NEO1: variants seen among roughly 807,000 people sequenced by gnomAD.
The protein encoded by NEO1 is neogenin 1, also known as neogenin.
A neutral mutation model predicts 159.7 loss-of-function variants in NEO1; 63 were observed. The observed-to-expected ratio is 0.39, with a 90% CI of 0.32 to 0.49. The LOEUF (loss-of-function observed/expected upper bound fraction) is 0.49, where lower values mean the gene tolerates loss of function less well. Among genes scored for constraint, NEO1 ranks in the 20% least tolerant of loss-of-function variants. The pLI is 0.85. For missense variants in NEO1, 1,615 were observed against 1,831.0 expected (o/e 0.88, Z 2.15); for synonymous variants, 633 against 662.0 (o/e 0.96, Z 0.67).
At chr15:73,299,369 G>GAAAA (rs1446409403) in intron 27 of NEO1, among the ~76,000 whole-genome samples, 1 of 151,166 alleles carries the variant, frequency 6.6e-6, no homozygotes, top group Non-Finnish European at 1.5e-5. Flanking sequence ...ATATTTTTAT[G>GAAAA]AAAAACAACT....
At chr15:73,295,569 G>T (rs992404080) in intron 26 of NEO1, among the ~76,000 whole-genome samples, 1 of 151,862 alleles carries the variant, frequency 6.6e-6, no homozygotes, top group Non-Finnish European at 1.5e-5. Context: ...TGAAGAGAGG[G>T]GGAAAGAATA....
chr15:73,280,393 C>A (rs922759703), intron 22 of NEO1, among the ~76,000 whole-genome samples: 1 of 152,100 alleles, frequency 6.6e-6, no homozygotes, highest in Non-Finnish European at 1.5e-5. Context: ...CTTGCTGTAT[C>A]TTAGAAGAAA....
intron 5 of NEO1, among the ~76,000 whole-genome samples, chr15:73,149,250 G>A (rs2033174214): frequency 6.6e-6 from 1 of 151,912 alleles, no homozygotes; most frequent in Admixed American, 6.6e-5. Context: ...TGGAGGTGGA[G>A]GTTGCAGTGA....
chr15:73,178,015 G>A (rs771379304), intron 6 of NEO1, among the ~76,000 whole-genome samples: 3 of 152,120 alleles, frequency 2.0e-5, no homozygotes, highest in South Asian at 2.1e-4. Context: ...TTGGTATTGC[G>A]TGCCAGATCT....
intron 7 of NEO1, among the ~76,000 whole-genome samples, chr15:73,210,847 A>G (rs1465554445): frequency 2.6e-5 from 4 of 152,208 alleles, no homozygotes; most frequent in African/African-American, 9.6e-5. Flanking sequence ...AGGTTTATTT[A>G]CGCACTATAT....
intron 7 of NEO1, among the ~76,000 whole-genome samples, chr15:73,180,835 A>G (rs981591707): frequency 9.2e-5 from 14 of 152,186 alleles, no homozygotes; most frequent in African/African-American, 3.1e-4. Context: ...GATTATAAGA[A>G]GGAGAGTAAG....
intron 3 of NEO1, among the ~76,000 whole-genome samples, chr15:73,125,695 C>T (rs969922953): frequency 2.3e-4 from 35 of 152,254 alleles, no homozygotes; most frequent in African/African-American, 7.2e-4. Context: ...TTCATGTATT[C>T]ACAAGAGGAC....
chr15:73,120,893 A>AAT (rs2071607054), intron 2 of NEO1, among the ~76,000 whole-genome samples: 1 of 152,134 alleles, frequency 6.6e-6, no homozygotes, highest in African/African-American at 2.4e-5. Context: ...CAAGAATAGA[A>AAT]CCAAGAAATC....
chr15:73,208,525 A>G (rs548521216), intron 7 of NEO1, among the ~76,000 whole-genome samples: 93 of 152,234 alleles, frequency 6.1e-4, no homozygotes, highest in Non-Finnish European at 2.9e-4. Context: ...TGTTTTCTAA[A>G]GCTTCTTTTT....
At chr15:73,116,417 A>C (rs200130005) in intron 1 of NEO1, 123 bp from the exon 2 acceptor site, 1 of 359,284 alleles carries the variant, frequency 2.8e-6, no homozygotes, top group Non-Finnish European at 4.9e-6. Flanking sequence ...TGAGATGACT[A>C]TATTTATGTG....
intron 7 of NEO1, among the ~76,000 whole-genome samples, chr15:73,203,213 A>G (rs1213127626): frequency 6.6e-6 from 1 of 152,174 alleles, no homozygotes; most frequent in South Asian, 2.1e-4. Context: ...ACCATTTTAC[A>G]TGCCCACCAC....
At chr15:73,071,161 T>G (rs2068512525) in intron 1 of NEO1, among the ~76,000 whole-genome samples, 1 of 152,102 alleles carries the variant, frequency 6.6e-6, no homozygotes, top group Non-Finnish European at 1.5e-5. Context: ...TTGCCCAGGC[T>G]GGTCTGGAAC....
chr15:73,180,454 G>A (rs1055277744), intron 7 of NEO1, among the ~76,000 whole-genome samples: 2 of 152,132 alleles, frequency 1.3e-5, no homozygotes, highest in African/African-American at 4.8e-5. Context: ...AAATGCCTGA[G>A]TACAATTACT....
intron 1 of NEO1, among the ~76,000 whole-genome samples, chr15:73,070,435 G>T (rs535730488): frequency 5.9e-5 from 9 of 152,286 alleles, no homozygotes; most frequent in Admixed American, 5.9e-4. Flanking sequence ...TCATGTGAGT[G>T]TAACTCAACT....
chr15:73,150,646 TA>T (rs1258707034), intron 5 of NEO1, among the ~76,000 whole-genome samples: 1 of 152,194 alleles, frequency 6.6e-6, no homozygotes, highest in Non-Finnish European at 1.5e-5. Flanking sequence ...TCTTTCGAGG[TA>T]AAATTTATAT....
chr15:73,232,114 C>G (rs2150828905), intron 7 of NEO1, among the ~76,000 whole-genome samples: 2 of 152,226 alleles, frequency 1.3e-5, no homozygotes, highest in South Asian at 4.2e-4. Flanking sequence ...TTGCATGTCT[C>G]TTCACTTTTG....
rs1187709181 is a variant in NEO1 at position 73,116,689 on chromosome 15, A to G, written c.280A>G (p.Asn94Asp). The G allele has an allele frequency of 6.2e-7, 1 of 1,613,858 alleles. No individual in the cohort carries two copies. Among genetic ancestry groups the G allele is most frequent in the Non-Finnish European group, 8.5e-7 (1 of 1,179,936 alleles). Residue 94 changes from asparagine (N) to aspartate (D), a missense_variant, in exon 2 of 29, where the codon AAC becomes GAC. Transcript: ENST00000261908. ...ATGGAAAAAAGATGGAACTTTTTTAAACTTAGTATCAGATGATCGACGCCA... is the reference window on the plus strand; with the variant it reads ...ATGGAAAAAAGATGGAACTTTTTTAGACTTAGTATCAGATGATCGACGCCA... ...IEWKKDGTFL[N>D]LVSDDRRQLL...
At chr15:73,074,616 T>G (rs1420606118) in intron 1 of NEO1, among the ~76,000 whole-genome samples, 1 of 152,222 alleles carries the variant, frequency 6.6e-6, no homozygotes, top group Non-Finnish European at 1.5e-5. Flanking sequence ...TGGACACAAT[T>G]AACAATTCCA....
At chr15:73,161,262 T>G (rs1018860292) in intron 5 of NEO1, among the ~76,000 whole-genome samples, 1 of 152,228 alleles carries the variant, frequency 6.6e-6, no homozygotes, top group Non-Finnish European at 1.5e-5. Flanking sequence ...TTGATACGTA[T>G]GGAATTTACT....
Sources: allele counts gnomAD v4.1 joint callset (sites outside exome capture counted in the v4.1 genomes callset), GRCh38; gene constraint gnomAD v4.1.1; transcripts MANE v1.5; gene names NCBI Gene and HGNC (gene_info 2026-07-23, HGNC 2026-07-21).